ZNF445: variants seen among roughly 807,000 people sequenced by gnomAD.
ZNF445 encodes the protein zinc finger protein 168.
In ZNF445, 19 loss-of-function variants were observed where a neutral mutation model predicts 93.9. That is an observed-to-expected ratio of 0.20 (90% confidence interval 0.14 to 0.30). The LOEUF (loss-of-function observed/expected upper bound fraction) is 0.30, where lower values mean the gene tolerates loss of function less well. ZNF445 is among the 10% of genes least tolerant of loss of function. ZNF445 has a pLI of 1.00. For missense variants in ZNF445, 1,058 were observed against 1,259.4 expected, an observed-to-expected ratio of 0.84 and a Z score of 2.42; for synonymous variants, 449 against 446.3, an observed-to-expected ratio of 1.01 and a Z score of -0.08.
At chr3:44,462,553 GTTTT>G (rs1244880536) in intron 1 of ZNF445, among the ~76,000 whole-genome samples, 2 of 151,894 alleles carry the variant, frequency 1.3e-5, no homozygotes, top group Non-Finnish European at 2.9e-5. Flanking sequence ...TTCCTGTCTG[GTTTT>G]TTATTTATGT....
At position 44,444,477 on chromosome 3, in the gene ZNF445, C is replaced by T. The variant is rs1697854100; in HGVS notation, c.*2098G>A. ...ATCAATCCTGCCAAGAAAAGGCACA[C>T]CATGCCTGGAACCCAGATCTGATGA... On this transcript the variant is annotated 3_prime_UTR_variant, in exon 8 of 8. Coordinates refer to ENST00000396077, the MANE Select transcript of ZNF445 (RefSeq NM_181489.6). 1 of 152,298 alleles carries T rather than the reference C, an allele frequency of 6.6e-6. No individual in the cohort carries two copies. Among genetic ancestry groups the T allele is most frequent in the Non-Finnish European group, 1.5e-5 (1 of 68,122 alleles). 9.4% of individuals were successfully genotyped at this position (152,298 alleles called of 1,614,324 possible).
At chr3:44,461,983 A>C (rs1204169239) in intron 1 of ZNF445, among the ~76,000 whole-genome samples, 2 of 152,162 alleles carry the variant, frequency 1.3e-5, no homozygotes. Flanking sequence ...AGAAATGCTT[A>C]CCAGCCAAGT....
chr3:44,459,294 T>C (rs961646570), intron 1 of ZNF445, among the ~76,000 whole-genome samples: 5 of 152,152 alleles, frequency 3.3e-5, no homozygotes, highest in Non-Finnish European at 5.9e-5. Flanking sequence ...AATTGAGCAA[T>C]ACAATCAGAA....
rs1318878721 is a variant in ZNF445 at position 44,444,936 on chromosome 3, T to C, written c.*1639A>G. 6.6e-6 allele frequency: 1 copy of C among 152,266 alleles called. No individual in the cohort carries two copies. The highest frequency in any genetic ancestry group is 1.5e-5 in the Non-Finnish European group (1 of 68,040). 9.4% of individuals were successfully genotyped at this position (152,266 alleles called of 1,614,324 possible). ...ATTCATAATCTGACCTCTTCAATAA[T>C]CAGAAGCAATGATTACTCACATGCT... On this transcript the variant is annotated 3_prime_UTR_variant, in exon 8 of 8. Transcript: ENST00000396077.
Position 44,440,880 on chromosome 3 carries a change from C to T in ZNF445, c.*5695G>A, listed in dbSNP as rs910296233. 1.3e-5 allele frequency: 2 copies of T among 151,312 alleles called. No individual in the cohort carries two copies. The highest frequency in any genetic ancestry group is 4.9e-5 in the African/African-American group (2 of 41,178). The allele number at this position is 151,312 out of a possible 1,614,324, so 9.4% of individuals were successfully genotyped here. On this transcript the variant is annotated 3_prime_UTR_variant, in exon 8 of 8. Coordinates refer to ENST00000396077, the MANE Select transcript of ZNF445 (RefSeq NM_181489.6). ...ACTGAGGGTTCCTCTCCTTTTTAGA[C>T]CATATAGTGTTACTTCCTGATGTTG...
rs534993996 is a variant in ZNF445 at position 44,448,634 on chromosome 3, G to C, written c.1037C>G (p.Ser346Cys). Reference sequence around the variant, plus strand: ...AGATTCTCTGAGCCCAATTCCCTCAGAAACACTTGTCGCAGGACATCCTGA... The same window carrying C: ...AGATTCTCTGAGCCCAATTCCCTCACAAACACTTGTCGCAGGACATCCTGA... ...VSSGCPATSVSEGIGLRESFQ... is the reference protein window; with the variant it reads ...VSSGCPATSVCEGIGLRESFQ... The change falls in exon 8 of 8, where the codon TCT becomes TGT. Residue 346 changes from serine to cysteine, a missense_variant. By Grantham distance (112) the Ser-to-Cys change is moderately radical. Transcript: ENST00000396077. 6.2e-7 allele frequency: 1 copy of C among 1,614,172 alleles called. No homozygotes were observed. Among genetic ancestry groups the C allele is most frequent in the South Asian group, 1.1e-5 (1 of 91,090 alleles).
intron 1 of ZNF445, among the ~76,000 whole-genome samples, chr3:44,476,188 CTA>C (rs1413701381): frequency 6.6e-6 from 1 of 152,126 alleles, no homozygotes; most frequent in Non-Finnish European, 1.5e-5. Context: ...TTATGTTTTA[CTA>C]TAGTTTACTC....
Position 44,440,081 on chromosome 3 carries a change from G to C in ZNF445, c.*6494C>G, listed in dbSNP as rs535908467. 4.6e-5 allele frequency: 7 copies of C among 152,264 alleles called. No homozygotes were observed. The highest frequency in any genetic ancestry group is 1.7e-4 in the African/African-American group (7 of 41,556). The allele number at this position is 152,264 out of a possible 1,614,324, so 9.4% of individuals were successfully genotyped here. ...TCTATTCTAGCTCCCCCAGTCCTGGGGTGGCAGCTGCTTAGCAGTTGCTAC... is the reference window on the plus strand; with the variant it reads ...TCTATTCTAGCTCCCCCAGTCCTGGCGTGGCAGCTGCTTAGCAGTTGCTAC... On this transcript the variant is annotated 3_prime_UTR_variant, in exon 8 of 8. Transcript: ENST00000396077.
chr3:44,438,709 CT>C lies in ZNF445; in HGVS notation c.*7865del, dbSNP rs1245528231. 6.6e-6 allele frequency: 1 copy of C among 151,908 alleles called. No homozygotes were observed. The highest frequency in any genetic ancestry group is 1.9e-4 in the East Asian group (1 of 5,190). 9.4% of individuals were successfully genotyped at this position (151,908 alleles called of 1,614,324 possible). ...CCATAAAAAATGATGAGTTCATGTC[CT>C]TTGTAGGGACATGGATGAAGGTGGA... On this transcript the variant is annotated 3_prime_UTR_variant, in exon 8 of 8. Coordinates refer to ENST00000396077, the MANE Select transcript of ZNF445 (RefSeq NM_181489.6).
intron 7 of ZNF445, 79 bp from the exon 8 acceptor site, chr3:44,448,818 T>C (rs1397322782): frequency 6.7e-7 from 1 of 1,498,652 alleles, no homozygotes; most frequent in Admixed American, 2.6e-5. Context: ...GGCAATAAAA[T>C]GTCTGGGTGG....
chr3:44,455,114 C>T lies in ZNF445; in HGVS notation c.429+7G>A, dbSNP rs1698009920. 1 of 1,613,970 alleles carries T rather than the reference C, an allele frequency of 6.2e-7. No homozygotes were observed. The highest frequency in any genetic ancestry group is 1.1e-5 in the South Asian group (1 of 91,078). ...TCCCTGGGCACCACACACTTGCTCA[C>T]ACTCACCCTCCAGGATGTCCCATCA... On this transcript the variant is annotated splice_region_variant and intron_variant, in intron 3 of 7. Coordinates refer to ENST00000396077, the MANE Select transcript of ZNF445 (RefSeq NM_181489.6).
In ZNF445 at chr3:44,455,543, G is replaced by C; in HGVS notation, c.7C>G (p.Pro3Ala). ...GGATAGGCAGCATGCCACCTGCCTG[G>C]AGGCATCACTCCTGTTCAGGGACTA... MP[P>A]GRWHAAYPAQ... The change falls in exon 3 of 8, where the codon CCA (proline) becomes GCA (alanine). Residue 3 changes from proline to alanine, a missense_variant. This residue lies in a region of ZNF445 where 657 missense variants were observed against 746.4 expected (regional missense o/e 0.88). Coordinates refer to ENST00000396077, the MANE Select transcript of ZNF445 (RefSeq NM_181489.6). The C allele has an allele frequency of 6.3e-7, 1 of 1,595,590 alleles. No individual in the cohort carries two copies. The highest frequency in any genetic ancestry group is 1.1e-5 in the South Asian group (1 of 87,496).
rs539712015 is a variant in ZNF445 at position 44,440,609 on chromosome 3, A to G, written c.*5966T>C. 15 of 152,334 alleles carry G rather than the reference A, an allele frequency of 9.8e-5. No homozygotes were observed. The highest frequency in any genetic ancestry group is 3.6e-4 in the African/African-American group (15 of 41,576). The allele number at this position is 152,334 out of a possible 1,614,324, so 9.4% of individuals were successfully genotyped here. A position where few individuals can be genotyped will look rare whatever the true frequency, so the allele number is the denominator to read the frequency against. On this transcript the variant is annotated 3_prime_UTR_variant, in exon 8 of 8. Coordinates refer to ENST00000396077, the MANE Select transcript of ZNF445 (RefSeq NM_181489.6). Reference sequence around the variant, plus strand: ...CATTTGTATTGCTCCTGTTACCAGAAAGCGGTCGTGATCCAGTCCCCAAGA... The same window carrying G: ...CATTTGTATTGCTCCTGTTACCAGAGAGCGGTCGTGATCCAGTCCCCAAGA...
chr3:44,457,022 G>A (rs1375616470), intron 2 of ZNF445, among the ~76,000 whole-genome samples: 1 of 152,088 alleles, frequency 6.6e-6, no homozygotes, highest in African/African-American at 2.4e-5. Context: ...CCAGCTACTC[G>A]GGAGGCTGAG....
intron 1 of ZNF445, among the ~76,000 whole-genome samples, chr3:44,472,292 A>G (rs906024979): frequency 1.3e-5 from 2 of 152,260 alleles, no homozygotes; most frequent in Non-Finnish European, 2.9e-5. Context: ...GTCTCCAAGC[A>G]GGACTGTTCT....
chr3:44,438,752 A>G lies in ZNF445; in HGVS notation c.*7823T>C, dbSNP rs955895600. ...GAAGGTGGAAATAATCATTCTCAGTAAACTATCGCAAGAACAAAAAACCAA... is the reference window on the plus strand; with the variant it reads ...GAAGGTGGAAATAATCATTCTCAGTGAACTATCGCAAGAACAAAAAACCAA... On this transcript the variant is annotated 3_prime_UTR_variant, in exon 8 of 8. Coordinates refer to ENST00000396077, the MANE Select transcript of ZNF445 (RefSeq NM_181489.6). 2.0e-5 allele frequency: 3 copies of G among 151,682 alleles called. No homozygotes were observed. The highest frequency in any genetic ancestry group is 7.3e-5 in the African/African-American group (3 of 41,268). 9.4% of individuals were successfully genotyped at this position (151,682 alleles called of 1,614,324 possible).
rs894127908 is a variant in ZNF445, at chr3:44,437,344, C to T, written c.*9231G>A. On this transcript the variant is annotated 3_prime_UTR_variant, in exon 8 of 8. Transcript: ENST00000396077. ...GCCAATCTCCTATCTCATCCCGTGA[C>T]TTAGAATGCCTTAACCGTCTGGGAA... is the stretch of plus-strand genomic sequence containing the variant. 6.6e-6 allele frequency: 1 copy of T among 152,116 alleles called. No homozygotes were observed. The highest frequency in any genetic ancestry group is 6.5e-5 in the Admixed American group (1 of 15,270). 9.4% of individuals were successfully genotyped at this position (152,116 alleles called of 1,614,324 possible).
At chr3:44,452,223 A>G (rs1697967270) in intron 3 of ZNF445, among the ~76,000 whole-genome samples, 1 of 152,208 alleles carries the variant, frequency 6.6e-6, no homozygotes, top group Admixed American at 6.5e-5. Flanking sequence ...TGTGGCCGAG[A>G]CAGTCTTTAT....
Position 44,438,067 on chromosome 3 carries a change from T to C in ZNF445, c.*8508A>G, listed in dbSNP as rs1471911950. Reference sequence around the variant, plus strand: ...GCTCTCGTTCCAATGCTTCTGACGCTATCTCTACAGATTCCCCAGGTTTCT... The same window carrying C: ...GCTCTCGTTCCAATGCTTCTGACGCCATCTCTACAGATTCCCCAGGTTTCT... On this transcript the variant is annotated 3_prime_UTR_variant, in exon 8 of 8. Transcript: ENST00000396077. 1 of 152,264 alleles carries C rather than the reference T, an allele frequency of 6.6e-6. No individual in the cohort carries two copies. The highest frequency in any genetic ancestry group is 1.5e-5 in the Non-Finnish European group (1 of 68,022). The allele number at this position is 152,264 out of a possible 1,614,324, so 9.4% of individuals were successfully genotyped here.
Sources: gnomAD v4.1 joint callset for allele counts (sites outside exome capture counted in the v4.1 genomes callset) on GRCh38, gnomAD v4.1.1 for gene constraint, gnomAD v4.1.1 regional missense constraint, MANE v1.5 for transcripts, NCBI Gene and HGNC (gene_info 2026-07-23, HGNC 2026-07-21) for gene names.